Variants in STK3 observed in about 807,000 individuals in gnomAD.
STK3 encodes serine/threonine kinase 3, also known as serine/threonine-protein kinase 3.
A neutral mutation model predicts 58.0 loss-of-function variants in STK3; 41 were observed. That is an observed-to-expected ratio of 0.71 (90% CI 0.55 to 0.92). The LOEUF (loss-of-function observed/expected upper bound fraction) is 0.92, where lower values mean the gene tolerates loss of function less well. Among genes scored for constraint, STK3 ranks in the 40% least tolerant of loss-of-function variants. STK3 has a pLI of 0.00. For missense variants in STK3, 479 were observed against 602.7 expected (o/e 0.79, Z 2.15); for synonymous variants, 170 against 191.0 (o/e 0.89, Z 0.91).
intron 2 of STK3, among the ~76,000 whole-genome samples, chr8:98,371,891 C>A (rs1312725198): frequency 6.6e-6 from 1 of 152,116 alleles, no homozygotes; most frequent in Non-Finnish European, 1.5e-5. Flanking sequence ...GAAGTCTGAA[C>A]CCCTAGTACC....
At chr8:98,882,185 T>C (rs770453891), downstream of STK3, 1 of 152,170 alleles carries the variant, frequency 6.6e-6, no homozygotes, top group Non-Finnish European at 1.5e-5. Flanking sequence ...ACATTTAAAA[T>C]AGTCAGAATC....
chr8:98,389,799 A>G (rs1817829355), upstream of STK3, among the ~76,000 whole-genome samples: 1 of 150,806 alleles, frequency 6.6e-6, no homozygotes, highest in Non-Finnish European at 1.5e-5. Flanking sequence ...TGAAGCTTCT[A>G]TTTGGATTAT....
intron 10 of STK3, among the ~76,000 whole-genome samples, chr8:98,495,966 C>T (rs565871315): frequency 4.6e-5 from 7 of 152,248 alleles, no homozygotes; most frequent in Admixed American, 3.9e-4. Context: ...TCAGAATTTT[C>T]CTTAATTCTT....
intron 3 of STK3, among the ~76,000 whole-genome samples, chr8:98,839,833 TAAATC>T (rs1835896397): frequency 6.6e-6 from 1 of 152,146 alleles, no homozygotes; most frequent in South Asian, 2.1e-4. Context: ...ACCTTGCGAA[TAAATC>T]ATCATCCAAG....
chr8:98,713,915 C>T (rs1179339189), intron 4 of STK3, among the ~76,000 whole-genome samples: 1 of 152,146 alleles, frequency 6.6e-6, no homozygotes, highest in Non-Finnish European at 1.5e-5. Context: ...AGCAGCACAT[C>T]AAAAAGCTTA....
intron 6 of STK3, among the ~76,000 whole-genome samples, chr8:98,607,362 G>C (rs984306818): frequency 1.3e-5 from 2 of 152,022 alleles, no homozygotes; most frequent in African/African-American, 4.8e-5. Flanking sequence ...TGCACTACAG[G>C]TACAAAAGCA....
chr8:98,536,492 A>C (rs962657541), intron 9 of STK3, among the ~76,000 whole-genome samples: 2 of 152,082 alleles, frequency 1.3e-5, no homozygotes, highest in African/African-American at 4.8e-5. Flanking sequence ...TTTCTAGGAA[A>C]GTTCTGTTTT....
At chr8:98,842,039 T>C (rs1836010263) in intron 3 of STK3, among the ~76,000 whole-genome samples, 1 of 151,928 alleles carries the variant, frequency 6.6e-6, no homozygotes, top group Non-Finnish European at 1.5e-5. Context: ...CATTCACAAA[T>C]ATAACAAGCT....
intron 6 of STK3, chr8:98,598,132 A>G: frequency 2.0e-6 from 2 of 985,448 alleles, no homozygotes; most frequent in Non-Finnish European, 2.4e-6. Flanking sequence ...TAGATTGTCT[A>G]GATAAATATT....
chr8:98,458,725 G>C (rs903131546), intron 10 of STK3, among the ~76,000 whole-genome samples: 1 of 152,146 alleles, frequency 6.6e-6, no homozygotes, highest in Non-Finnish European at 1.5e-5. Context: ...CACAATATCT[G>C]ATGGTTTTAT....
intron 4 of STK3, among the ~76,000 whole-genome samples, chr8:98,713,616 G>A (rs1826733577): frequency 1.3e-5 from 2 of 152,266 alleles, no homozygotes; most frequent in East Asian, 1.9e-4. Context: ...AACAGGCTCT[G>A]AAATTGAGGC....
At chr8:98,517,533 T>C (rs1825028093) in intron 10 of STK3, among the ~76,000 whole-genome samples, 1 of 152,072 alleles carries the variant, frequency 6.6e-6, no homozygotes, top group Non-Finnish European at 1.5e-5. Flanking sequence ...ATGATGGAAG[T>C]CAGTTATAGA....
chr8:98,659,931 T>A (rs1821837191), intron 6 of STK3, among the ~76,000 whole-genome samples: 1 of 151,634 alleles, frequency 6.6e-6, no homozygotes, highest in South Asian at 2.1e-4. Flanking sequence ...ACCAGGCAAA[T>A]GGTTTATGTC....
At chr8:98,654,838 T>C (rs1259687677) in intron 6 of STK3, among the ~76,000 whole-genome samples, 1 of 151,918 alleles carries the variant, frequency 6.6e-6, no homozygotes, top group African/African-American at 2.4e-5. Context: ...TAAAAGAGGA[T>C]ACAAACAAAT....
At chr8:98,650,555 G>A (rs1782348618) in intron 6 of STK3, among the ~76,000 whole-genome samples, 1 of 152,262 alleles carries the variant, frequency 6.6e-6, no homozygotes, top group Non-Finnish European at 1.5e-5. Flanking sequence ...CACTCGGGAA[G>A]CGCAAGGGGT....
chr8:98,903,556 C>CTTCTTCTTCTTCTTCTTCTTCCTCTT (rs200556218), intron 1 of STK3, among the ~76,000 whole-genome samples: 1 of 50,502 alleles, frequency 2.0e-5, no homozygotes, highest in African/African-American at 6.8e-5. Flanking sequence ...TCTTCTTCTT[C>CTTCTTCTTCTTCTTCTTCTTCCTCTT]CTTTTTTTTT....
At chr8:98,380,264 T>C (rs1248612702) in intron 1 of STK3, among the ~76,000 whole-genome samples, 1 of 152,200 alleles carries the variant, frequency 6.6e-6, no homozygotes, top group Non-Finnish European at 1.5e-5. Context: ...GTACACTTAT[T>C]ACGGGGATAG....
chr8:98,719,674 C>A (rs1439239819), intron 4 of STK3, among the ~76,000 whole-genome samples: 1 of 152,206 alleles, frequency 6.6e-6, no homozygotes, highest in African/African-American at 2.4e-5. Context: ...ATAAAATTCT[C>A]ACTCATTTGG....
At chr8:98,374,572 C>A (rs1196966972) in intron 2 of STK3, among the ~76,000 whole-genome samples, 2 of 152,182 alleles carry the variant, frequency 1.3e-5, no homozygotes, top group Non-Finnish European at 2.9e-5. Flanking sequence ...GTAAATAGAT[C>A]CTTCCTGCCT....
Sources: gnomAD v4.1 joint callset for allele counts (sites outside exome capture counted in the v4.1 genomes callset) on GRCh38, gnomAD v4.1.1 for gene constraint, MANE v1.5 for transcripts, NCBI Gene and HGNC (gene_info 2026-07-23, HGNC 2026-07-21) for gene names.